AKAP7: variants seen among roughly 807,000 people sequenced by gnomAD.
The protein encoded by AKAP7 is A-kinase anchoring protein 7.
AKAP7 carries 39 observed loss-of-function variants against 39.5 expected under a neutral mutation model. That is an observed-to-expected ratio of 0.99 (90% CI 0.76 to 1.29). AKAP7 has a LOEUF of 1.29. AKAP7 is among the 50% of genes most tolerant of loss of function. AKAP7 has a pLI of 0.00. For synonymous variants in AKAP7, 140 were observed against 139.1 expected (o/e 1.01, Z -0.05); for missense variants, 414 against 407.7 (o/e 1.02, Z -0.13).
intron 1 of AKAP7, among the ~76,000 whole-genome samples, chr6:131,143,914 C>T (rs1396414165): frequency 2.9e-5 from 4 of 139,214 alleles, no homozygotes; most frequent in Non-Finnish European, 4.6e-5. Context: ...TGCGGCCTTC[C>T]GAAGTGTTTG....
intron 2 of AKAP7, 48 bp downstream of exon 2, chr6:131,145,464 A>C: frequency 1.6e-6 from 2 of 1,238,290 alleles, no homozygotes; most frequent in Non-Finnish European, 2.1e-6. Context: ...ATGAGTAGTA[A>C]ATTTAGTTAT....
At chr6:131,209,184 T>G (rs968361488) in intron 6 of AKAP7, among the ~76,000 whole-genome samples, 9 of 151,772 alleles carry the variant, frequency 5.9e-5, no homozygotes, top group Admixed American at 2.0e-4. Flanking sequence ...TTTTTTTTTT[T>G]GTTAAACATA....
intron 5 of AKAP7, among the ~76,000 whole-genome samples, chr6:131,189,109 C>T (rs1407951312): frequency 1.3e-5 from 2 of 152,170 alleles, no homozygotes; most frequent in Non-Finnish European, 2.9e-5. Flanking sequence ...TGTTGTTACC[C>T]TTGTGATCCT....
At chr6:131,200,971 AC>A (rs1404740367) in intron 6 of AKAP7, 1 of 152,198 alleles carries the variant, frequency 6.6e-6, no homozygotes, top group African/African-American at 2.4e-5. Context: ...AAATGAGAGC[AC>A]CCAAGGACAT....
chr6:131,184,666 C>A (rs1368108324), intron 5 of AKAP7: 1 of 773,044 alleles, frequency 1.3e-6, no homozygotes, highest in Non-Finnish European at 2.4e-6. Context: ...CTTTGAGTTC[C>A]CCAGGCAGAA....
At chr6:131,214,618 A>T (rs1055896132) in intron 6 of AKAP7, among the ~76,000 whole-genome samples, 2 of 152,220 alleles carry the variant, frequency 1.3e-5, no homozygotes, top group Non-Finnish European at 2.9e-5. Flanking sequence ...TCTATGTATA[A>T]GTAGCATCTA....
intron 7 of AKAP7, among the ~76,000 whole-genome samples, chr6:131,228,734 G>A (rs1810398101): frequency 6.6e-6 from 1 of 151,896 alleles, no homozygotes; most frequent in African/African-American, 2.4e-5. Flanking sequence ...TACTTTTAGG[G>A]GGTCAGCGAG....
In AKAP7 at chr6:131,160,151, G is replaced by A; in HGVS notation, c.244G>A (p.Asp82Asn). 1.9e-6 allele frequency: 3 copies of A among 1,612,028 alleles called. No homozygotes were observed. Among genetic ancestry groups the A allele is most frequent in the African/African-American group, 2.7e-5 (2 of 74,850 alleles). ...AAAGAAGAGGAAAAAAAAGAGAAAA[G>A]ATTATCAACCCAACTATTTCCTGTC... is the stretch of plus-strand genomic sequence containing the variant. The part of the protein sequence containing the change: ...QVKKRKKKRK[D>N]YQPNYFLSIP... The change falls in exon 3 of 8, where the codon GAT (aspartate) becomes AAT (asparagine). Residue 82 changes from aspartate to asparagine, a missense_variant. Coordinates refer to ENST00000431975, the MANE Select transcript of AKAP7 (RefSeq NM_016377.4).
At chr6:131,240,870 C>T (rs1811491989) in intron 7 of AKAP7, among the ~76,000 whole-genome samples, 1 of 152,204 alleles carries the variant, frequency 6.6e-6, no homozygotes, top group South Asian at 2.1e-4. Flanking sequence ...GAGGTGATGC[C>T]TTGCCCTGCT....
chr6:131,127,045 G>GT, the AKAP7 span, among the ~76,000 whole-genome samples: 4,191 of 149,248 alleles, frequency 0.028, 213 homozygotes, highest in African/African-American at 0.096. Flanking sequence ...ATTTTGCTTT[G>GT]TTTTTTTTTT....
chr6:131,137,884 A>G (rs1416844168), intron 1 of AKAP7: 1 of 152,242 alleles, frequency 6.6e-6, no homozygotes, highest in Non-Finnish European at 1.5e-5. Flanking sequence ...CAAGCAGTTT[A>G]TACTGTTTAG....
intron 1 of AKAP7, among the ~76,000 whole-genome samples, chr6:131,143,113 A>G (rs1801185472): frequency 6.6e-6 from 1 of 152,230 alleles, no homozygotes; most frequent in Non-Finnish European, 1.5e-5. Context: ...CTTGAGTCTC[A>G]AATGAGACTT....
At chr6:131,133,445 C>T (rs1800370629), upstream of AKAP7, among the ~76,000 whole-genome samples, 1 of 152,190 alleles carries the variant, frequency 6.6e-6, no homozygotes, top group African/African-American at 2.4e-5. Flanking sequence ...TTGTACTTCC[C>T]TTTCTCCCTG....
In AKAP7 at chr6:131,247,289, A is replaced by G. The variant is rs866441129; in HGVS notation, c.850+27481A>G. On this transcript the variant is annotated intron_variant, in intron 7 of 7. Coordinates refer to ENST00000431975, the MANE Select transcript of AKAP7 (RefSeq NM_016377.4). ...CATATGTATATATATATATATATAT[A>G]TATATATATATATATATATATATAT... Among the ~76,000 whole-genome samples the G allele has an allele frequency of 7.4e-3, 658 of 88,526 alleles. 19 individuals are homozygous for G. The highest frequency in any genetic ancestry group is 0.042 in the East Asian group (175 of 4,216). The allele number at this position is 88,526 out of a possible 152,430, so 58.1% of individuals were successfully genotyped here.
At chr6:131,198,114 C>T (rs749980229) in intron 5 of AKAP7, among the ~76,000 whole-genome samples, 2 of 152,120 alleles carry the variant, frequency 1.3e-5, no homozygotes, top group Non-Finnish European at 2.9e-5. Context: ...CCCTGGACCC[C>T]GGACATGTTC....
At chr6:131,177,680 C>A (rs1261790031) in intron 5 of AKAP7, among the ~76,000 whole-genome samples, 2 of 152,152 alleles carry the variant, frequency 1.3e-5, no homozygotes, top group Admixed American at 6.5e-5. Context: ...GTCATCACTC[C>A]CATTTGGCAG....
At chr6:131,253,023 T>C (rs1488961274) in intron 7 of AKAP7, 1 of 1,612,938 alleles carries the variant, frequency 6.2e-7, no homozygotes, top group Admixed American at 1.7e-5. Context: ...GTGGGTGTTA[T>C]TCTCAAAACA....
chr6:131,148,467 A>C (rs1166181719), intron 2 of AKAP7, among the ~76,000 whole-genome samples: 1 of 83,888 alleles, frequency 1.2e-5, no homozygotes, highest in African/African-American at 7.4e-5. Context: ...GTGTGGATAA[A>C]AATTCCCCCC....
intron 7 of AKAP7, among the ~76,000 whole-genome samples, chr6:131,239,700 G>A (rs1408603014): frequency 1.3e-5 from 2 of 152,012 alleles, no homozygotes; most frequent in African/African-American, 2.4e-5. Context: ...TGATCAAATC[G>A]GCTACTGAGG....
Sources: gnomAD v4.1 joint callset for allele counts (sites outside exome capture counted in the v4.1 genomes callset) on GRCh38, gnomAD v4.1.1 for gene constraint, MANE v1.5 for transcripts, NCBI Gene and HGNC (gene_info 2026-07-23, HGNC 2026-07-21) for gene names.